MICU2: variants seen among roughly 807,000 people sequenced by gnomAD.
MICU2 encodes calcium uptake protein 2, mitochondrial.
A neutral mutation model predicts 60.4 loss-of-function variants in MICU2; 64 were observed. The ratio of observed to expected loss-of-function variants is 1.06; its 90% CI spans 0.87 to 1.31. The LOEUF is 1.31. MICU2 is among the 50% of genes most tolerant of loss of function. MICU2 has a pLI of 0.00. For missense variants in MICU2, 569 were observed against 531.0 expected, an observed-to-expected ratio of 1.07 and a Z score of -0.70; for synonymous variants, 201 against 175.0, an observed-to-expected ratio of 1.15 and a Z score of -1.17.
intron 1 of MICU2, among the ~76,000 whole-genome samples, chr13:21,595,667 C>T (rs924498097): frequency 6.6e-6 from 1 of 152,268 alleles, no homozygotes; most frequent in South Asian, 2.1e-4. Flanking sequence ...CCAGCCCACT[C>T]ACCCCTTCCA....
At chr13:21,573,399 A>G (rs1246711932) in intron 1 of MICU2, among the ~76,000 whole-genome samples, 1 of 152,022 alleles carries the variant, frequency 6.6e-6, no homozygotes, top group Non-Finnish European at 1.5e-5. Context: ...CAGCCTCCTG[A>G]GTAGCTGGGA....
intron 2 of MICU2, among the ~76,000 whole-genome samples, chr13:21,548,669 T>C (rs1165524718): frequency 6.6e-6 from 1 of 152,158 alleles, no homozygotes; most frequent in East Asian, 1.9e-4. Flanking sequence ...CAGGTCCTGT[T>C]TGACTCCAAT....
intron 1 of MICU2, among the ~76,000 whole-genome samples, chr13:21,572,865 A>G (rs1566165412): frequency 6.6e-6 from 1 of 152,210 alleles, no homozygotes; most frequent in Non-Finnish European, 1.5e-5. Flanking sequence ...TTTTCTGTCC[A>G]GAGTAATTTA....
At chr13:21,580,418 A>G (rs1017190261) in intron 1 of MICU2, among the ~76,000 whole-genome samples, 1 of 152,188 alleles carries the variant, frequency 6.6e-6, no homozygotes, top group Non-Finnish European at 1.5e-5. Flanking sequence ...TTTCCCTTTT[A>G]AAACTTATTG....
intron 9 of MICU2, among the ~76,000 whole-genome samples, chr13:21,498,208 A>G (rs1001240069): frequency 6.6e-6 from 1 of 152,138 alleles, no homozygotes; most frequent in Non-Finnish European, 1.5e-5. Flanking sequence ...TTATTTTTAA[A>G]TATTTCAATA....
At position 21,603,532 on chromosome 13, in the gene MICU2, T is replaced by A. The variant is rs114601226; in HGVS notation, c.210+407A>T. The A allele has an allele frequency of 5.3e-3, 1,216 of 227,592 alleles. 21 individuals carry two copies. The highest frequency in any genetic ancestry group is 0.026 in the African/African-American group (1,138 of 43,458). The allele number at this position is 227,592 out of a possible 1,614,324, so 14.1% of individuals were successfully genotyped here. A position where few individuals can be genotyped will look rare whatever the true frequency, so the allele number is the denominator to read the frequency against. ...CAAAGGTATATCCCACAGGGGTAAC[T>A]GGACGCAAACCACCTGCGGATGTGA... is the stretch of plus-strand genomic sequence containing the variant. On this transcript the variant is annotated intron_variant, in intron 1 of 11. Coordinates refer to ENST00000382374, the MANE Select transcript of MICU2 (RefSeq NM_152726.3).
At chr13:21,512,256 G>T (rs1273848490) in intron 7 of MICU2, among the ~76,000 whole-genome samples, 1 of 152,102 alleles carries the variant, frequency 6.6e-6, no homozygotes, top group African/African-American at 2.4e-5. Context: ...TTTCTTTGGA[G>T]AAATATTAAA....
rs372661654 is a variant in MICU2 at position 21,604,085 on chromosome 13, G to A, written c.64C>T (p.Leu22Phe). Residue 22 changes from leucine to phenylalanine, a missense_variant, in exon 1 of 12, where the codon CTC becomes TTC. Transcript: ENST00000382374. ...CGCACAGCCTGTCGGCTGACAGCGAGCCCCCGTCGCAGTTTTCCGCCCCAG... is the reference window on the plus strand; with the variant it reads ...CGCACAGCCTGTCGGCTGACAGCGAACCCCCGTCGCAGTTTTCCGCCCCAG... The part of the protein sequence containing the change: ...AAWGGKLRRG[L>F]AVSRQAVRSP... The A allele has an allele frequency of 1.6e-4, 251 of 1,596,106 alleles. No homozygotes were observed. Among genetic ancestry groups the A allele is most frequent in the East Asian group, 1.1e-3 (49 of 43,788 alleles).
At chr13:21,542,448 A>T (rs940845709) in intron 2 of MICU2, among the ~76,000 whole-genome samples, 1 of 152,002 alleles carries the variant, frequency 6.6e-6, no homozygotes, top group African/African-American at 2.4e-5. Flanking sequence ...GGGTAGGGGG[A>T]CACTCCTGTC....
chr13:21,514,457 C>T (rs780416646), intron 6 of MICU2, 39 bp from the exon 7 acceptor site: 41 of 1,510,462 alleles, frequency 2.7e-5, no homozygotes, highest in Non-Finnish European at 3.5e-5. Context: ...TGTGTGCCTA[C>T]CAGATTTTTC....
chr13:21,508,190 A>G (rs1886338645), intron 8 of MICU2, among the ~76,000 whole-genome samples: 3 of 149,744 alleles, frequency 2.0e-5, no homozygotes, highest in African/African-American at 7.4e-5. Context: ...CAGTGGCACG[A>G]TCCTGGCTCA....
At chr13:21,551,376 T>C (rs1313505485) in intron 2 of MICU2, 1 of 152,376 alleles carries the variant, frequency 6.6e-6, no homozygotes, top group East Asian at 1.9e-4. Context: ...TCTGTATTTT[T>C]CCAATTTTAG....
At chr13:21,501,175 G>A (rs1886141288) in intron 9 of MICU2, among the ~76,000 whole-genome samples, 1 of 151,894 alleles carries the variant, frequency 6.6e-6, no homozygotes, top group Non-Finnish European at 1.5e-5. Flanking sequence ...TCTATTTCTG[G>A]AGTCTGTCAA....
At position 21,604,120 on chromosome 13, in the gene MICU2, C is replaced by A. The variant is rs1312113324; in HGVS notation, c.29G>T (p.Arg10Leu). The A allele has an allele frequency of 9.5e-6, 15 of 1,574,468 alleles. No individual in the cohort carries two copies. Among genetic ancestry groups the A allele is most frequent in the Non-Finnish European group, 1.2e-5 (14 of 1,162,192 alleles). The change falls in exon 1 of 12, where the codon CGG becomes CTG. Residue 10 changes from arginine (R) to leucine (L), a missense_variant. Physicochemically the swap from Arg to Leu is moderately radical, Grantham distance 102. Transcript: ENST00000382374. Reference protein sequence around the residue: MAAAAGSCARVAAWGGKLRR... With the variant: MAAAAGSCALVAAWGGKLRR... ...CAGTTTTCCGCCCCAGGCCGCCACC[C>A]GCGCGCAGCTACCCGCAGCCGCCGC...
At chr13:21,553,737 A>G (rs1389550959) in intron 2 of MICU2, among the ~76,000 whole-genome samples, 1 of 152,180 alleles carries the variant, frequency 6.6e-6, no homozygotes, top group Non-Finnish European at 1.5e-5. Flanking sequence ...GCACAGACTG[A>G]CAAATTGGAT....
chr13:21,590,602 C>T (rs116270214), intron 1 of MICU2, among the ~76,000 whole-genome samples: 1 of 152,186 alleles, frequency 6.6e-6, no homozygotes, highest in Non-Finnish European at 1.5e-5. Context: ...ATTGGTCGGG[C>T]GTGGTGGCTC....
chr13:21,565,574 C>T (rs941740224), intron 2 of MICU2, among the ~76,000 whole-genome samples: 10 of 152,248 alleles, frequency 6.6e-5, no homozygotes, highest in Admixed American at 1.3e-4. Flanking sequence ...AGGAGAATCG[C>T]TTGAACCCCA....
intron 1 of MICU2, among the ~76,000 whole-genome samples, chr13:21,572,469 G>A (rs1029825213): frequency 6.6e-6 from 1 of 152,148 alleles, no homozygotes; most frequent in African/African-American, 2.4e-5. Context: ...GGAGAGAAAG[G>A]GAGTAGTCCT....
chr13:21,513,188 A>G, intron 7 of MICU2, among the ~76,000 whole-genome samples: 1 of 152,116 alleles, frequency 6.6e-6, no homozygotes, highest in South Asian at 2.1e-4. Context: ...CATCTACGAA[A>G]AGAGACTGTT....
Sources: allele counts gnomAD v4.1 joint callset (sites outside exome capture counted in the v4.1 genomes callset), GRCh38; gene constraint gnomAD v4.1.1; transcripts MANE v1.5; gene names NCBI Gene and HGNC (gene_info 2026-07-23, HGNC 2026-07-21).